The following TTBK1 variants were observed in gnomAD, a reference collection of about 807,000 sequenced individuals.
The protein encoded by TTBK1 is tau tubulin kinase 1.
Under a neutral mutation model 108.5 loss-of-function variants are expected in TTBK1, and 34 were observed. The ratio of observed to expected loss-of-function variants is 0.31; its 90% CI spans 0.24 to 0.42. The LOEUF is 0.42. TTBK1 is among the 10% of genes least tolerant of loss of function. TTBK1 has a pLI of 1.00. For missense variants in TTBK1, 1,539 were observed against 1,826.0 expected (o/e 0.84, Z 2.86); for synonymous variants, 809 against 795.1 (o/e 1.02, Z -0.29).
intron 13 of TTBK1, among the ~76,000 whole-genome samples, chr6:43,278,328 C>T (rs929123455): frequency 3.3e-5 from 5 of 152,138 alleles, no homozygotes; most frequent in East Asian, 1.9e-4. Flanking sequence ...AGATGAGGCA[C>T]AGTGCATGGA....
In TTBK1 at chr6:43,282,382, C is replaced by G. The variant is rs1332078648; in HGVS notation, c.1987-345C>G. Among the ~76,000 whole-genome samples the G allele has an allele frequency of 6.6e-6, 1 of 152,212 alleles. No individual in the cohort carries two copies. Among genetic ancestry groups the G allele is most frequent in the African/African-American group, 2.4e-5 (1 of 41,436 alleles). On this transcript the variant is annotated intron_variant, in intron 13 of 14. Coordinates refer to ENST00000259750, the MANE Select transcript of TTBK1 (RefSeq NM_032538.3). The surrounding 1 kb of genome is among the most constrained non-coding windows in gnomAD (Gnocchi z 5.4). ...TTTCATTTTCTGTTATTGTTGCTGA[C>G]TCGGGTGCAGGATGCACATGGCGAT...
intron 2 of TTBK1, among the ~76,000 whole-genome samples, chr6:43,251,177 C>A (rs1477907305): frequency 6.6e-6 from 1 of 152,234 alleles, no homozygotes; most frequent in African/African-American, 2.4e-5. Flanking sequence ...GAACTCCCAG[C>A]CCTCCAGCTC....
intron 12 of TTBK1, among the ~76,000 whole-genome samples, chr6:43,260,876 A>C (rs1777523197): frequency 6.6e-6 from 1 of 151,788 alleles, no homozygotes; most frequent in African/African-American, 2.4e-5. Flanking sequence ...TGAGATTTGG[A>C]TTTCCCACCC....
chr6:43,264,263 A>G (rs1464743146), intron 13 of TTBK1, among the ~76,000 whole-genome samples: 1 of 152,042 alleles, frequency 6.6e-6, no homozygotes, highest in Admixed American at 6.6e-5. Flanking sequence ...CCTGCCTGTA[A>G]TCCCAGCTAC....
rs905312116 is a variant in TTBK1, at chr6:43,263,651, G to A, written c.1986+301G>A. Among the ~76,000 whole-genome samples, 6 of 152,196 alleles carry A rather than the reference G, an allele frequency of 3.9e-5. No individual in the cohort carries two copies. The highest frequency in any genetic ancestry group is 8.8e-5 in the Non-Finnish European group (6 of 68,046). On this transcript the variant is annotated intron_variant, in intron 13 of 14. Transcript: ENST00000259750. The surrounding 1 kb of genome is among the most constrained non-coding windows in gnomAD (Gnocchi z 4.7). ...CAGTGTTTTGCACAGGCCGGGAGGG[G>A]GCGATCTGAGAACACTGAGCTGATG... is the stretch of plus-strand genomic sequence containing the variant.
chr6:43,255,511 G>A (rs1381855115), intron 7 of TTBK1, 41 bp from the exon 8 acceptor site: 25 of 1,532,922 alleles, frequency 1.6e-5, no homozygotes, highest in Non-Finnish European at 2.2e-5. Context: ...TCCCAGGGAA[G>A]GACCTGAGAG....
chr6:43,252,669 C>A, intron 2 of TTBK1, 70 bp from the exon 3 acceptor site: 1 of 1,559,320 alleles, frequency 6.4e-7, no homozygotes, highest in Non-Finnish European at 8.7e-7. Context: ...AGGATGCAAC[C>A]AAGCAGCAGG....
At position 43,285,633 on chromosome 6, in the gene TTBK1, C is replaced by T. The variant is rs1361431444; in HGVS notation, c.*257C>T. The T allele has an allele frequency of 3.1e-6, 1 of 323,252 alleles. No individual in the cohort carries two copies. The allele number at this position is 323,252 out of a possible 1,614,324, so 20.0% of individuals were successfully genotyped here. On this transcript the variant is annotated 3_prime_UTR_variant, in exon 15 of 15. Coordinates refer to ENST00000259750, the MANE Select transcript of TTBK1 (RefSeq NM_032538.3). This position sits in a 1 kb window ranked among gnomAD's most constrained non-coding sequence, Gnocchi z 4.7. ...CCTCGCCCTGTGTCCTCTCATCCTC[C>T]CGCCGCCCGTCAGGCCGGCCAGCCT...
Position 43,269,966 on chromosome 6 carries a change from C to A in TTBK1, c.1986+6616C>A, listed in dbSNP as rs963889163. ...ACAAGACCTAGGCTGGGCCCCCCCC[C>A]TCCTGGAGGGGGCAGGTGGGGGGGG... is the stretch of plus-strand genomic sequence containing the variant. On this transcript the variant is annotated intron_variant, in intron 13 of 14. Coordinates refer to ENST00000259750, the MANE Select transcript of TTBK1 (RefSeq NM_032538.3). This position sits in a 1 kb window ranked among gnomAD's most constrained non-coding sequence, Gnocchi z 4.8. 5 of 1,433,548 alleles carry A rather than the reference C, an allele frequency of 3.5e-6. No individual in the cohort carries two copies. The highest frequency in any genetic ancestry group is 1.5e-5 in the South Asian group (1 of 67,786). The allele number at this position is 1,433,548 out of a possible 1,614,324, so 88.8% of individuals were successfully genotyped here.
chr6:43,273,264 G>A lies in TTBK1; in HGVS notation c.1987-9463G>A, dbSNP rs781238731. ...TATTGGTTGATTGATTGTCCTTTGCGGTGGGCCCCCTCCTCAGTCTATAGA... is the reference window on the plus strand; with the variant it reads ...TATTGGTTGATTGATTGTCCTTTGCAGTGGGCCCCCTCCTCAGTCTATAGA... On this transcript the variant is annotated intron_variant, in intron 13 of 14. Transcript: ENST00000259750. The surrounding 1 kb of genome is among the most constrained non-coding windows in gnomAD (Gnocchi z 4.2). Among the ~76,000 whole-genome samples, 2 of 152,176 alleles carry A rather than the reference G, an allele frequency of 1.3e-5. No homozygotes were observed. Among genetic ancestry groups the A allele is most frequent in the Admixed American group, 6.5e-5 (1 of 15,280 alleles).
At chr6:43,275,473 A>G (rs941199572) in intron 13 of TTBK1, among the ~76,000 whole-genome samples, 1 of 150,870 alleles carries the variant, frequency 6.6e-6, no homozygotes, top group Non-Finnish European at 1.5e-5. Context: ...GGCTCCCCTC[A>G]GTGCTGCCAG....
intron 13 of TTBK1, among the ~76,000 whole-genome samples, chr6:43,277,934 G>A (rs1027871969): frequency 2.0e-5 from 3 of 152,212 alleles, no homozygotes; most frequent in African/African-American, 7.2e-5. Flanking sequence ...AGGAACTGCT[G>A]TGAGAGGCAC....
chr6:43,246,725 A>G lies in TTBK1; in HGVS notation c.65A>G (p.Asp22Gly). ...TNMSGGGEQA[D>G]ILPANYVVKD... ...ATGAGTGGGGGAGGGGAGCAGGCCG[A>G]CATCCTGCCGGCCAACTACGTGGTC... The change falls in exon 2 of 15, where the codon GAC becomes GGC. Residue 22 changes from aspartate (D) to glycine (G), a missense_variant. By Grantham distance (94) the Asp-to-Gly change is moderately conservative. Around this residue, in one of 5 missense-constraint regions of TTBK1, gnomAD observed 45 missense variants for 38.0 expected, o/e 1.19. Coordinates refer to ENST00000259750, the MANE Select transcript of TTBK1 (RefSeq NM_032538.3). 1.2e-6 allele frequency: 2 copies of G among 1,611,862 alleles called. No individual in the cohort carries two copies. Among genetic ancestry groups the G allele is most frequent in the Non-Finnish European group, 1.7e-6 (2 of 1,179,084 alleles).
intron 13 of TTBK1, chr6:43,270,094 T>C (rs1007849716): frequency 7.1e-7 from 1 of 1,403,396 alleles, no homozygotes; most frequent in South Asian, 1.6e-5. Flanking sequence ...CCCTAGAACG[T>C]TGGCCCAAGG....
chr6:43,266,969 G>T (rs1287134140), intron 13 of TTBK1, among the ~76,000 whole-genome samples: 1 of 151,612 alleles, frequency 6.6e-6, no homozygotes, highest in African/African-American at 2.4e-5. Flanking sequence ...CAGATGGTTT[G>T]TGCAGGATCA....
Position 43,259,924 on chromosome 6 carries a change from A to T in TTBK1, c.1424+218A>T, listed in dbSNP as rs1191628715. Among the ~76,000 whole-genome samples, 1 of 152,116 alleles carries T rather than the reference A, an allele frequency of 6.6e-6. No individual in the cohort carries two copies. Among genetic ancestry groups the T allele is most frequent in the African/African-American group, 2.4e-5 (1 of 41,420 alleles). On this transcript the variant is annotated intron_variant, in intron 12 of 14. Coordinates refer to ENST00000259750, the MANE Select transcript of TTBK1 (RefSeq NM_032538.3). This position sits in a 1 kb window ranked among gnomAD's most constrained non-coding sequence, Gnocchi z 6.7. The stretch of plus-strand genomic sequence containing the variant: ...GAGAGGTCCCGGCTCATGCCAGGAA[A>T]CGTAATTGGGTGAGTGCAGGCTGCA...
chr6:43,250,449 C>T (rs1470317057), intron 2 of TTBK1, among the ~76,000 whole-genome samples: 4 of 151,072 alleles, frequency 2.6e-5, no homozygotes, highest in African/African-American at 9.8e-5. Flanking sequence ...CTCCGCCTCC[C>T]GGGTTCAAGT....
At chr6:43,267,170 A>G (rs1777703121) in intron 13 of TTBK1, among the ~76,000 whole-genome samples, 1 of 152,132 alleles carries the variant, frequency 6.6e-6, no homozygotes, top group Non-Finnish European at 1.5e-5. Flanking sequence ...ATGTTTCGCC[A>G]AGTACTTCAG....
chr6:43,265,202 G>A lies in TTBK1; in HGVS notation c.1986+1852G>A, dbSNP rs769126864. Among the ~76,000 whole-genome samples, 3 of 152,202 alleles carry A rather than the reference G, an allele frequency of 2.0e-5. No homozygotes were observed. Among genetic ancestry groups the A allele is most frequent in the Non-Finnish European group, 4.4e-5 (3 of 68,024 alleles). On this transcript the variant is annotated intron_variant, in intron 13 of 14. Transcript: ENST00000259750. The surrounding 1 kb of genome is among the most constrained non-coding windows in gnomAD (Gnocchi z 4.1). ...CACATAGTGGTCCCACATTGGGGGC[G>A]TACACTCTAGGTGGCTCTGGGAGGT...
Sources: gnomAD v4.1 joint callset for allele counts (sites outside exome capture counted in the v4.1 genomes callset) on GRCh38, gnomAD v4.1.1 for gene constraint, gnomAD v4.1.1 regional missense constraint, Gnocchi (gnomAD v3.1) non-coding constraint, MANE v1.5 for transcripts, NCBI Gene and HGNC (gene_info 2026-07-23, HGNC 2026-07-21) for gene names.